PPP3CA: variants seen among roughly 807,000 people sequenced by gnomAD.
PPP3CA encodes the protein CAM-PRP catalytic subunit.
A neutral mutation model predicts 66.5 loss-of-function variants in PPP3CA; 14 were observed. The observed-to-expected ratio is 0.21, with a 90% CI of 0.14 to 0.33. The LOEUF is 0.33. Ranked by LOEUF, PPP3CA falls within the 10% of genes least tolerant of loss-of-function variation. The probability of loss-of-function intolerance (pLI) is 1.00; values close to 1 mark genes in which losing one functional copy is unlikely to be tolerated. For synonymous variants in PPP3CA, 232 were observed against 226.2 expected (o/e 1.03, Z -0.23); for missense variants, 317 against 639.5 (o/e 0.50, Z 5.44).
intron 1 of PPP3CA, among the ~76,000 whole-genome samples, chr4:101,316,951 C>T (rs1280207035): frequency 1.3e-5 from 2 of 152,118 alleles, no homozygotes; most frequent in Admixed American, 6.6e-5. Context: ...ACATTTCTTA[C>T]AAAATCTTCT....
intron 2 of PPP3CA, among the ~76,000 whole-genome samples, chr4:101,110,102 A>T (rs1721620413): frequency 6.6e-6 from 1 of 152,092 alleles, no homozygotes; most frequent in South Asian, 2.1e-4. Flanking sequence ...ATATGTGTGT[A>T]TGTGTATATA....
chr4:101,301,254 A>G (rs1364328998), intron 1 of PPP3CA, among the ~76,000 whole-genome samples: 2 of 151,752 alleles, frequency 1.3e-5, no homozygotes, highest in African/African-American at 4.8e-5. Flanking sequence ...GTGTTTACTG[A>G]AACTACAAAA....
intron 1 of PPP3CA, among the ~76,000 whole-genome samples, chr4:101,196,825 C>T (rs1724809524): frequency 6.6e-6 from 1 of 152,218 alleles, no homozygotes; most frequent in Non-Finnish European, 1.5e-5. Context: ...CTCTCTTCCA[C>T]TCACCCGCAT....
intron 2 of PPP3CA, among the ~76,000 whole-genome samples, chr4:101,141,901 T>TA (rs1318297956): frequency 3.3e-5 from 5 of 152,190 alleles, no homozygotes; most frequent in Non-Finnish European, 7.3e-5. Context: ...AGGCTGAACT[T>TA]ACACTTATAA....
chr4:101,281,241 G>C (rs1207882907), intron 1 of PPP3CA, among the ~76,000 whole-genome samples: 1 of 152,248 alleles, frequency 6.6e-6, no homozygotes, highest in Non-Finnish European at 1.5e-5. Context: ...ATTTGAGACA[G>C]TGAACGTACA....
chr4:101,198,867 T>C (rs900790953), intron 1 of PPP3CA, among the ~76,000 whole-genome samples: 1 of 152,084 alleles, frequency 6.6e-6, no homozygotes, highest in East Asian at 1.9e-4. Flanking sequence ...CTCTGAGATA[T>C]TGGCGCTGGT....
Position 101,025,652 on chromosome 4 carries a change from G to GT in PPP3CA, c.*212dup, listed in dbSNP as rs1241646923. ...TTTTTAAAAGGCATACCCAAAAGAG[G>GT]TGTTTAATCACCATCCCCACCAAAA... is the stretch of plus-strand genomic sequence containing the variant. On this transcript the variant is annotated 3_prime_UTR_variant, in exon 14 of 14. Transcript: ENST00000394854. The GT allele has an allele frequency of 1.8e-5, 8 of 446,908 alleles. No homozygotes were observed. The highest frequency in any genetic ancestry group is 3.9e-6 in the Non-Finnish European group (1 of 256,076). 27.7% of individuals were successfully genotyped at this position (446,908 alleles called of 1,614,324 possible). A position where few individuals can be genotyped will look rare whatever the true frequency, so the allele number is the denominator to read the frequency against.
intron 2 of PPP3CA, among the ~76,000 whole-genome samples, chr4:101,125,982 C>T (rs1253597153): frequency 6.6e-6 from 1 of 152,164 alleles, no homozygotes; most frequent in East Asian, 1.9e-4. Context: ...AGGAAATAAA[C>T]ACTCATACTA....
At chr4:101,080,403 G>A (rs1481700084) in intron 8 of PPP3CA, 129 bp downstream of exon 8, 2 of 418,318 alleles carry the variant, frequency 4.8e-6, no homozygotes, top group Non-Finnish European at 8.1e-6. Flanking sequence ...AAGTATGCAT[G>A]AAACAATAAC....
rs576769714 is a variant in PPP3CA, at chr4:101,330,385, C to T, written c.58+16354G>A. ...TAAAAAATCTACTTTCTTTGCTCAT[C>T]CTTGAGAAGCAACTCAAAGGATTTC... On this transcript the variant is annotated intron_variant, in intron 1 of 13. Transcript: ENST00000394854. 3.4e-4 allele frequency: 177 copies of T among 527,358 alleles called. 1 individual carries two copies. Among genetic ancestry groups the T allele is most frequent in the South Asian group, 2.5e-3 (173 of 69,924 alleles). The allele number at this position is 527,358 out of a possible 1,614,324, so 32.7% of individuals were successfully genotyped here.
At chr4:101,267,738 G>A (rs1249220934) in intron 1 of PPP3CA, among the ~76,000 whole-genome samples, 1 of 152,028 alleles carries the variant, frequency 6.6e-6, no homozygotes, top group East Asian at 1.9e-4. Flanking sequence ...ACTCCAGACT[G>A]ACAAAATTAC....
chr4:101,309,875 C>T (rs1435801207), intron 1 of PPP3CA, among the ~76,000 whole-genome samples: 1 of 152,144 alleles, frequency 6.6e-6, no homozygotes, highest in Non-Finnish European at 1.5e-5. Context: ...GCTACACATT[C>T]CCCTATTTTA....
At position 101,063,239 on chromosome 4, in the gene PPP3CA, C is replaced by T; in HGVS notation, c.1074G>A (p.Gly358=). 1 of 1,609,970 alleles carries T rather than the reference C, an allele frequency of 6.2e-7. No homozygotes were observed. Among genetic ancestry groups the T allele is most frequent in the Non-Finnish European group, 8.5e-7 (1 of 1,177,654 alleles). The change falls in exon 9 of 14, where the codon GGG becomes GGA. Residue 358 remains glycine (G), a synonymous_variant. Transcript: ENST00000394854. ...CAGGATTCCACAACATACCTTTTTC[C>T]CCAACAAATGGAAGGGACCAAGTAA... ...DVFTWSLPFV[G]EKVTEMLVNV... is the part of the protein sequence containing the mutation.
intron 1 of PPP3CA, among the ~76,000 whole-genome samples, chr4:101,285,599 ATGTGTGTGTGTGTG>A (rs56681112): frequency 0.015 from 1,829 of 124,584 alleles, 45 homozygotes; most frequent in African/African-American, 0.051. Flanking sequence ...CACTGTGTGT[ATGTGTGTGTGTGTG>A]TGTGTGTGTG....
At chr4:101,047,495 T>G (rs2110215384) in intron 10 of PPP3CA, among the ~76,000 whole-genome samples, 1 of 152,314 alleles carries the variant, frequency 6.6e-6, no homozygotes, top group East Asian at 1.9e-4. Context: ...ATCATTCACT[T>G]AGAGAAAAGT....
intron 4 of PPP3CA, 99 bp downstream of exon 4, chr4:101,099,512 G>T (rs1730348605): frequency 6.9e-6 from 4 of 576,102 alleles, no homozygotes; most frequent in Non-Finnish European, 1.2e-5. Flanking sequence ...TTAAGTCTTT[G>T]ACTTTAGGCA....
chr4:101,110,601 T>TA (rs1721637301), intron 2 of PPP3CA, among the ~76,000 whole-genome samples: 1 of 152,190 alleles, frequency 6.6e-6, no homozygotes, highest in Non-Finnish European at 1.5e-5. Context: ...GAGCATGAGA[T>TA]ACACAGTAGA....
intron 8 of PPP3CA, among the ~76,000 whole-genome samples, chr4:101,063,802 A>C (rs1728570457): frequency 6.6e-6 from 1 of 151,954 alleles, no homozygotes; most frequent in South Asian, 2.1e-4. Flanking sequence ...TGTACAAAAT[A>C]GTTTAAGTTA....
At position 101,099,653 on chromosome 4, in the gene PPP3CA, C is replaced by A; in HGVS notation, c.454G>T (p.Glu152Ter). The A allele has an allele frequency of 6.3e-7, 1 of 1,596,396 alleles. No homozygotes were observed. The highest frequency in any genetic ancestry group is 1.1e-5 in the South Asian group (1 of 88,378). ...KTLFLLRGNHECRHLTEYFTF... is the reference protein window; with the variant it reads ...KTLFLLRGNH ...AAATACTCTGTTAGATGTCTACATT[C>A]ATGATTTCCACGAAGTAAAAACAGT... Residue 152 changes from glutamate (E) to a stop codon, truncating the protein, a stop_gained, in exon 4 of 14, where the codon GAA (glutamate) becomes TAA (stop). Coordinates refer to ENST00000394854, the MANE Select transcript of PPP3CA (RefSeq NM_000944.5). LOFTEE classifies it high-confidence loss of function.
Sources: allele counts gnomAD v4.1 joint callset (sites outside exome capture counted in the v4.1 genomes callset), GRCh38; gene constraint gnomAD v4.1.1; transcripts MANE v1.5; gene names NCBI Gene and HGNC (gene_info 2026-07-23, HGNC 2026-07-21).